The following GNB4 variants were observed in gnomAD, a reference collection of about 807,000 sequenced individuals.
The protein encoded by GNB4 is guanine nucleotide-binding protein subunit beta-4.
A neutral mutation model predicts 45.2 loss-of-function variants in GNB4; 28 were observed. The observed-to-expected ratio is 0.62, with a 90% confidence interval of 0.46 to 0.85. The LOEUF is 0.85. Among genes scored for constraint, GNB4 ranks in the 40% least tolerant of loss-of-function variants. The pLI is 0.00. For synonymous variants in GNB4, 132 were observed against 143.7 expected (o/e 0.92, Z 0.58); for missense variants, 321 against 425.4 (o/e 0.75, Z 2.16).
At chr3:179,496,566 A>T in the GNB4 span, among the ~76,000 whole-genome samples, 6 of 152,210 alleles carry the variant, frequency 3.9e-5, no homozygotes, top group Admixed American at 3.9e-4. Flanking sequence ...CTGATTAAAA[A>T]TAAGACCCAA....
chr3:179,445,275 A>G (rs1194947007), intron 1 of GNB4, among the ~76,000 whole-genome samples: 1 of 152,056 alleles, frequency 6.6e-6, no homozygotes, highest in Non-Finnish European at 1.5e-5. Context: ...AGAGTACTTT[A>G]TACTTTTTTT....
At chr3:179,455,811 G>T (rs1577045072), upstream of GNB4, among the ~76,000 whole-genome samples, 1 of 152,190 alleles carries the variant, frequency 6.6e-6, no homozygotes, top group African/African-American at 2.4e-5. Context: ...GGCTCAGATA[G>T]TTTGACTCTT....
At chr3:179,503,175 T>C in the GNB4 span, among the ~76,000 whole-genome samples, 1 of 152,344 alleles carries the variant, frequency 6.6e-6, no homozygotes, top group African/African-American at 2.4e-5. Context: ...ACTGTATGTA[T>C]ATTTTACCTA....
Position 179,401,543 on chromosome 3 carries a change from T to C in GNB4, c.917-224A>G, listed in dbSNP as rs375230711. Among the ~76,000 whole-genome samples the C allele has an allele frequency of 5.9e-5, 9 of 152,348 alleles. No homozygotes were observed. In the East Asian group the frequency reaches 1.3e-3, roughly 23 times the overall value. On this transcript the variant is annotated intron_variant, in intron 9 of 9. Transcript: ENST00000232564. The stretch of plus-strand genomic sequence containing the variant: ...TTTATAAATTTGGATTATTTGAATT[T>C]TGACATGCATCAATTTGTGGTTTTA...
At chr3:179,461,926 A>G in the GNB4 span, among the ~76,000 whole-genome samples, 5 of 152,192 alleles carry the variant, frequency 3.3e-5, no homozygotes, top group Non-Finnish European at 7.3e-5. Flanking sequence ...CATCCGATAT[A>G]TTATTGTTGA....
At chr3:179,513,490 AT>A in the GNB4 span, among the ~76,000 whole-genome samples, 1 of 151,240 alleles carries the variant, frequency 6.6e-6, no homozygotes, top group Non-Finnish European at 1.5e-5. Context: ...GGCCTACAAC[AT>A]TTTTTTTTAA....
chr3:179,495,057 C>T, the GNB4 span, among the ~76,000 whole-genome samples: 1 of 151,700 alleles, frequency 6.6e-6, no homozygotes, highest in Non-Finnish European at 1.5e-5. Context: ...CACCAAGACA[C>T]ACTACTTAAA....
At chr3:179,500,069 A>G in the GNB4 span, among the ~76,000 whole-genome samples, 1 of 152,208 alleles carries the variant, frequency 6.6e-6, no homozygotes, top group African/African-American at 2.4e-5. Context: ...TTTGCTGTGC[A>G]GAAGCTCTTT....
the GNB4 span, among the ~76,000 whole-genome samples, chr3:179,511,751 A>G: frequency 6.6e-6 from 1 of 152,298 alleles, no homozygotes; most frequent in South Asian, 2.1e-4. Context: ...AAAAGAAAAA[A>G]AGAGGCTAGG....
the GNB4 span, among the ~76,000 whole-genome samples, chr3:179,462,270 C>T: frequency 6.6e-6 from 1 of 152,150 alleles, no homozygotes; most frequent in Non-Finnish European, 1.5e-5. Context: ...CTGGTTTGCC[C>T]ATAGAACACA....
chr3:179,459,658 G>A, the GNB4 span, among the ~76,000 whole-genome samples: 1 of 151,202 alleles, frequency 6.6e-6, no homozygotes, highest in African/African-American at 2.4e-5. Context: ...CTCCAGCCTG[G>A]GCAACAAGAG....
chr3:179,433,501 G>A (rs1715363851), intron 1 of GNB4, among the ~76,000 whole-genome samples: 4 of 152,030 alleles, frequency 2.6e-5, no homozygotes, highest in South Asian at 2.1e-4. Context: ...AGCCACTCAG[G>A]AGGCTGAGTG....
At chr3:179,455,132 C>T (rs112031532), upstream of GNB4, among the ~76,000 whole-genome samples, 1,172 of 152,266 alleles carry the variant, frequency 7.7e-3, 21 homozygotes, top group African/African-American at 0.027. Flanking sequence ...CTCAGGTTCT[C>T]GTTAACCATG....
the GNB4 span, among the ~76,000 whole-genome samples, chr3:179,471,963 G>A: frequency 6.6e-6 from 1 of 152,036 alleles, no homozygotes; most frequent in Non-Finnish European, 1.5e-5. Flanking sequence ...TGAAAATTTT[G>A]TATGTACCAA....
the GNB4 span, among the ~76,000 whole-genome samples, chr3:179,520,884 G>A: frequency 2.0e-5 from 3 of 152,242 alleles, no homozygotes; most frequent in South Asian, 4.2e-4. Context: ...CACCAGCAAA[G>A]GCAGGCTATG....
intron 8 of GNB4, among the ~76,000 whole-genome samples, chr3:179,412,898 T>C: frequency 6.6e-6 from 1 of 151,690 alleles, no homozygotes; most frequent in Non-Finnish European, 1.5e-5. Flanking sequence ...AAACCTAGGT[T>C]GCCAGGAACA....
At chr3:179,414,232 A>T (rs1275318953) in intron 6 of GNB4, among the ~76,000 whole-genome samples, 2 of 152,208 alleles carry the variant, frequency 1.3e-5, no homozygotes, top group African/African-American at 4.8e-5. Context: ...TTAAAAAAAT[A>T]AAATATTGTA....
chr3:179,416,828 T>C (rs1714813803), intron 4 of GNB4, among the ~76,000 whole-genome samples: 1 of 152,200 alleles, frequency 6.6e-6, no homozygotes, highest in Non-Finnish European at 1.5e-5. Flanking sequence ...TTATACAAGA[T>C]TTGGGTGGAT....
At chr3:179,418,762 T>G (rs1378734714) in intron 4 of GNB4, among the ~76,000 whole-genome samples, 1 of 152,248 alleles carries the variant, frequency 6.6e-6, no homozygotes, top group Non-Finnish European at 1.5e-5. Context: ...ACCACTGTGA[T>G]AGCAGACACA....
Sources: gnomAD v4.1 joint callset for allele counts (sites outside exome capture counted in the v4.1 genomes callset) on GRCh38, gnomAD v4.1.1 for gene constraint, MANE v1.5 for transcripts, NCBI Gene and HGNC (gene_info 2026-07-23, HGNC 2026-07-21) for gene names.